RAPH1: variants seen among roughly 807,000 people sequenced by gnomAD.
The protein encoded by RAPH1 is ras-associated and pleckstrin homology domains-containing protein 1.
In RAPH1, 18 loss-of-function variants were observed where a neutral mutation model predicts 88.1. That is an observed-to-expected ratio of 0.20 (90% CI 0.14 to 0.30). The LOEUF (loss-of-function observed/expected upper bound fraction) is 0.30, where lower values mean the gene tolerates loss of function less well. Ranked by LOEUF, RAPH1 falls within the 10% of genes least tolerant of loss-of-function variation. RAPH1 has a pLI of 1.00. For synonymous variants in RAPH1, 587 were observed against 559.0 expected (o/e 1.05, Z -0.71); for missense variants, 1,448 against 1,543.2 (o/e 0.94, Z 1.03).
Position 203,440,380 on chromosome 2 carries a change from G to T in RAPH1, c.2810C>A (p.Ala937Asp). The T allele has an allele frequency of 6.3e-7, 1 of 1,592,110 alleles. No individual in the cohort carries two copies. The highest frequency in any genetic ancestry group is 8.6e-7 in the Non-Finnish European group (1 of 1,168,088). ...FPPPPPSPVPAPPPPPPPTAS... is the reference protein window; with the variant it reads ...FPPPPPSPVPDPPPPPPPTAS... ...TGTGGGTGGAGGTGGTGGTGGTGGG[G>T]CTGGGACAGGTGATGGGGGTGGAGG... Residue 937 changes from alanine to aspartate, a missense_variant, in exon 14 of 14, where the codon GCC becomes GAC. Physicochemically the swap from Ala to Asp is moderately radical, Grantham distance 126. This residue lies in a region of RAPH1 where 935 missense variants were observed against 890.1 expected (regional missense o/e 1.05). Transcript: ENST00000319170.
intron 4 of RAPH1, chr2:203,470,180 GA>G (rs2098531825): frequency 1.8e-6 from 2 of 1,118,218 alleles, no homozygotes; most frequent in African/African-American, 3.1e-5. Context: ...ATCAAAAACA[GA>G]AATCATATTC....
At chr2:203,504,091 C>G (rs1404368417) in intron 1 of RAPH1, among the ~76,000 whole-genome samples, 1 of 152,162 alleles carries the variant, frequency 6.6e-6, no homozygotes, top group Admixed American at 6.5e-5. Flanking sequence ...ACAGTGCAAG[C>G]TGTCTGTAGA....
chr2:203,497,550 A>G (rs925540006), intron 1 of RAPH1, among the ~76,000 whole-genome samples: 2 of 152,218 alleles, frequency 1.3e-5, no homozygotes, highest in Non-Finnish European at 2.9e-5. Flanking sequence ...GCTGAAAATC[A>G]TATCATATCT....
At chr2:203,510,364 CTCTTGAGGT>C (rs1447612113) in intron 1 of RAPH1, among the ~76,000 whole-genome samples, 65 of 143,434 alleles carry the variant, frequency 4.5e-4, no homozygotes, top group African/African-American at 1.7e-3. Flanking sequence ...AAAAAAAGTC[CTCTTGAGGT>C]TCTTGAGGGT....
At chr2:203,493,558 A>C in intron 2 of RAPH1, among the ~76,000 whole-genome samples, 1 of 152,234 alleles carries the variant, frequency 6.6e-6, no homozygotes, top group East Asian at 1.9e-4. Flanking sequence ...TTTATAAATT[A>C]AGAATTAAAA....
chr2:203,437,056 C>T lies in RAPH1; in HGVS notation c.*2381G>A, dbSNP rs745932896. On this transcript the variant is annotated 3_prime_UTR_variant, in exon 14 of 14. Transcript: ENST00000319170. Reference sequence around the variant, plus strand: ...CTCCTCCTCTAGCCTTACTCTCTTCCTGGCATCATTAGTGTTCAAAAGGAT... The same window carrying T: ...CTCCTCCTCTAGCCTTACTCTCTTCTTGGCATCATTAGTGTTCAAAAGGAT... The T allele has an allele frequency of 2.0e-5, 3 of 151,990 alleles. No individual in the cohort carries two copies. The highest frequency in any genetic ancestry group is 4.4e-5 in the Non-Finnish European group (3 of 68,040). The allele number at this position is 151,990 out of a possible 1,614,324, so 9.4% of individuals were successfully genotyped here.
intron 4 of RAPH1, among the ~76,000 whole-genome samples, chr2:203,476,659 C>CA (rs1027219227): frequency 2.2e-4 from 33 of 151,140 alleles, no homozygotes; most frequent in Non-Finnish European, 3.4e-4. Context: ...AATGGCATGG[C>CA]AAAAAAAATG....
intron 13 of RAPH1, chr2:203,444,436 A>AG (rs1304286638): frequency 6.3e-6 from 1 of 158,402 alleles, no homozygotes; most frequent in Non-Finnish European, 1.4e-5. Context: ...GTCAAAAAAA[A>AG]AAAAAAAAAA....
chr2:203,506,830 ATCTATATCTATATATCTATCTATATC>A (rs1689068938), intron 1 of RAPH1, among the ~76,000 whole-genome samples: 3 of 19,746 alleles, frequency 1.5e-4, no homozygotes, highest in African/African-American at 4.8e-4. Flanking sequence ...CTATATATAT[ATCTATATCTATATATCTATCTATATC>A]TATATATATA....
intron 12 of RAPH1, 28 bp from the exon 13 acceptor site, chr2:203,445,038 G>C (rs748958279): frequency 1.1e-5 from 17 of 1,599,644 alleles, no homozygotes; most frequent in Middle Eastern, 1.7e-4. Flanking sequence ...TTAAACATAG[G>C]TTTAAAAGAG....
At chr2:203,481,547 C>G (rs1687719804) in intron 4 of RAPH1, among the ~76,000 whole-genome samples, 1 of 145,776 alleles carries the variant, frequency 6.9e-6, no homozygotes, top group African/African-American at 2.5e-5. Flanking sequence ...TTTTATAGCC[C>G]CTATTCATTT....
intron 4 of RAPH1, among the ~76,000 whole-genome samples, chr2:203,475,026 G>A (rs1443311984): frequency 3.3e-5 from 5 of 152,160 alleles, no homozygotes; most frequent in South Asian, 4.1e-4. Context: ...CGGGAGAATC[G>A]TTTGAACCCA....
chr2:203,454,600 C>CT, intron 9 of RAPH1, 60 bp from the exon 10 acceptor site: 1 of 1,232,332 alleles, frequency 8.1e-7, no homozygotes, highest in Non-Finnish European at 1.2e-6. Context: ...GCAAATATAC[C>CT]TGGTTAACAT....
intron 13 of RAPH1, chr2:203,443,162 G>T (rs536762314): frequency 6.6e-6 from 1 of 152,076 alleles, no homozygotes; most frequent in Non-Finnish European, 1.5e-5. Flanking sequence ...CCCAGTTAGT[G>T]AACCACATAT....
At chr2:203,494,824 GA>G (rs1297398356) in intron 2 of RAPH1, among the ~76,000 whole-genome samples, 49 of 130,406 alleles carry the variant, frequency 3.8e-4, no homozygotes, top group Admixed American at 6.1e-4. Flanking sequence ...AAAAAAAAAA[GA>G]AAAAAAAAAA....
At chr2:203,509,164 A>G (rs1689223718) in intron 1 of RAPH1, among the ~76,000 whole-genome samples, 1 of 147,040 alleles carries the variant, frequency 6.8e-6, no homozygotes, top group Non-Finnish European at 1.5e-5. Context: ...TCTGCCTCCC[A>G]GGTTCAAGTG....
intron 1 of RAPH1, among the ~76,000 whole-genome samples, chr2:203,496,306 C>G (rs956179839): frequency 3.3e-5 from 5 of 151,948 alleles, no homozygotes; most frequent in Non-Finnish European, 7.4e-5. Context: ...TGCAGAGAGC[C>G]GAGAACATGC....
intron 4 of RAPH1, among the ~76,000 whole-genome samples, chr2:203,468,056 C>A (rs1051191124): frequency 6.6e-6 from 1 of 152,156 alleles, no homozygotes; most frequent in African/African-American, 2.4e-5. Flanking sequence ...CAGGCATGAG[C>A]CACTGACCAT....
rs747724669 is a variant in RAPH1 at position 203,440,713 on chromosome 2, G to A, written c.2477C>T (p.Pro826Leu). ...QPAFPASYIP[P>L]SPPTPPVPVP... ...TGGAACAGGAGGGGTAGGGGGAGAG[G>A]GTGGAATGTAAGAAGCAGGGAAAGC... The change falls in exon 14 of 14, where the codon CCC becomes CTC. Residue 826 changes from proline to leucine, a missense_variant. Pro to Leu is a moderately conservative substitution (Grantham distance 98). This residue lies in a region of RAPH1 where 935 missense variants were observed against 890.1 expected (regional missense o/e 1.05). Coordinates refer to ENST00000319170, the MANE Select transcript of RAPH1 (RefSeq NM_213589.3). 24 of 1,604,748 alleles carry A rather than the reference G, an allele frequency of 1.5e-5. No homozygotes were observed. The East Asian group carries it at 5.1e-4, about 34-fold the overall frequency.
Sources: gnomAD v4.1 joint callset for allele counts (sites outside exome capture counted in the v4.1 genomes callset) on GRCh38, gnomAD v4.1.1 for gene constraint, gnomAD v4.1.1 regional missense constraint, MANE v1.5 for transcripts, NCBI Gene and HGNC (gene_info 2026-07-23, HGNC 2026-07-21) for gene names.